The following GFRA1 variants were observed in gnomAD, a reference collection of about 807,000 sequenced individuals.
The protein encoded by GFRA1 is GDNF family receptor alpha 1.
In GFRA1, 16 loss-of-function variants were observed where a neutral mutation model predicts 51.6. The observed-to-expected ratio is 0.31, with a 90% confidence interval of 0.21 to 0.47. GFRA1 has a LOEUF of 0.47. GFRA1 is among the 20% of genes least tolerant of loss of function. The pLI is 1.00. For missense variants in GFRA1, 530 were observed against 594.3 expected (o/e 0.89, Z 1.13); for synonymous variants, 270 against 241.3 (o/e 1.12, Z -1.10).
chr10:116,115,043 A>G (rs996890254), intron 6 of GFRA1, among the ~76,000 whole-genome samples: 15 of 152,194 alleles, frequency 9.9e-5, no homozygotes, highest in Non-Finnish European at 2.9e-5. Context: ...TGGGGAAGGG[A>G]AAACAATCCC....
intron 5 of GFRA1, among the ~76,000 whole-genome samples, chr10:116,146,333 C>T (rs997000107): frequency 3.3e-5 from 5 of 152,176 alleles, no homozygotes; most frequent in African/African-American, 9.7e-5. Context: ...GCTACATCAT[C>T]GAGTACATTC....
chr10:116,111,388 T>A (rs758890278), intron 6 of GFRA1, among the ~76,000 whole-genome samples: 7 of 152,178 alleles, frequency 4.6e-5, no homozygotes, highest in South Asian at 4.1e-4. Flanking sequence ...TCTGAAGAAC[T>A]ATCAGCAGGC....
At chr10:116,186,087 G>A (rs530233508) in intron 5 of GFRA1, among the ~76,000 whole-genome samples, 10 of 152,334 alleles carry the variant, frequency 6.6e-5, no homozygotes, top group Admixed American at 3.3e-4. Flanking sequence ...CACAGGACCA[G>A]CTTGCGGCAG....
Position 116,064,031 on chromosome 10 carries a change from T to A in GFRA1, c.*367A>T. The A allele has an allele frequency of 5.5e-6, 1 of 182,260 alleles. No individual in the cohort carries two copies. The highest frequency in any genetic ancestry group is 1.1e-5 in the Non-Finnish European group (1 of 90,498). The allele number at this position is 182,260 out of a possible 1,614,324, so 11.3% of individuals were successfully genotyped here. On this transcript the variant is annotated 3_prime_UTR_variant, in exon 11 of 11. Transcript: ENST00000355422. ...AGCTAGGAAAGGCCAGAAGTAAAAC[T>A]GTTAAAATCATCATCATGATCATGA... is the stretch of plus-strand genomic sequence containing the variant.
rs1018458978 is a variant in GFRA1, at chr10:116,212,020, A to T, written c.419-375T>A. Reference sequence around the variant, plus strand: ...TTTATATTAATACTACTTTCACAACAATCTTATAAAGTAAGTTTTATTATA... The same window carrying T: ...TTTATATTAATACTACTTTCACAACTATCTTATAAAGTAAGTTTTATTATA... On this transcript the variant is annotated intron_variant, in intron 4 of 10. Transcript: ENST00000355422. 2.0e-5 allele frequency among the ~76,000 whole-genome samples: 3 copies of T among 152,222 alleles called. No homozygotes were observed. The East Asian group carries it at 5.8e-4, about 29-fold the overall frequency.
intron 5 of GFRA1, among the ~76,000 whole-genome samples, chr10:116,165,018 G>T (rs1241375376): frequency 6.6e-6 from 1 of 152,156 alleles, no homozygotes; most frequent in Non-Finnish European, 1.5e-5. Flanking sequence ...GCAAGGGACA[G>T]ACAGTTCTTA....
At chr10:116,184,316 T>C (rs1962506414) in intron 5 of GFRA1, among the ~76,000 whole-genome samples, 1 of 152,196 alleles carries the variant, frequency 6.6e-6, no homozygotes, top group South Asian at 2.1e-4. Flanking sequence ...AGGCCAGTTA[T>C]CTCCTGGCCA....
At chr10:116,149,902 C>T (rs1158950287) in intron 5 of GFRA1, among the ~76,000 whole-genome samples, 1 of 152,084 alleles carries the variant, frequency 6.6e-6, no homozygotes, top group African/African-American at 2.4e-5. Context: ...CATGCAGAAA[C>T]GCTCCTTCTT....
At chr10:116,269,415 C>T in intron 4 of GFRA1, 88 bp downstream of exon 4, 1 of 801,654 alleles carries the variant, frequency 1.2e-6, no homozygotes, top group Admixed American at 1.7e-5. Context: ...CAACTATCTA[C>T]TTATATGCTC....
intron 5 of GFRA1, among the ~76,000 whole-genome samples, chr10:116,129,607 C>G (rs1040842252): frequency 6.6e-6 from 1 of 151,994 alleles, no homozygotes; most frequent in Non-Finnish European, 1.5e-5. Flanking sequence ...CAAAGGATTC[C>G]CCTTTTACTG....
At chr10:116,085,187 C>T (rs1956041483) in intron 9 of GFRA1, among the ~76,000 whole-genome samples, 1 of 152,294 alleles carries the variant, frequency 6.6e-6, no homozygotes, top group East Asian at 1.9e-4. Flanking sequence ...CACCTAGTTC[C>T]CCAAACAGAA....
At chr10:116,250,252 G>C (rs1008502435) in intron 4 of GFRA1, among the ~76,000 whole-genome samples, 3 of 152,134 alleles carry the variant, frequency 2.0e-5, no homozygotes, top group African/African-American at 7.2e-5. Context: ...TTCATCTCCT[G>C]GGGCATCGCC....
chr10:116,256,327 C>G (rs1225664862), intron 4 of GFRA1, among the ~76,000 whole-genome samples: 3 of 152,140 alleles, frequency 2.0e-5, no homozygotes, highest in Admixed American at 2.0e-4. Context: ...TCATCCCCTG[C>G]CCCTCCCCGT....
intron 9 of GFRA1, among the ~76,000 whole-genome samples, chr10:116,077,361 T>C (rs1482193261): frequency 6.6e-6 from 1 of 152,214 alleles, no homozygotes; most frequent in African/African-American, 2.4e-5. Context: ...CCTGCCTTTG[T>C]TGAAAAGGTG....
intron 5 of GFRA1, among the ~76,000 whole-genome samples, chr10:116,178,718 C>T (rs2134261290): frequency 6.6e-6 from 1 of 152,270 alleles, no homozygotes; most frequent in Admixed American, 6.5e-5. Context: ...CCAAGGGAGC[C>T]CTGAGCGAGG....
intron 6 of GFRA1, among the ~76,000 whole-genome samples, chr10:116,123,785 G>A (rs929290432): frequency 6.6e-6 from 1 of 152,288 alleles, no homozygotes; most frequent in Middle Eastern, 3.4e-3. Context: ...TAAGTTCTGG[G>A]AAGGACACAC....
At chr10:116,271,864 C>A (rs2532691) in intron 2 of GFRA1, 126 bp downstream of exon 2, 789,158 of 790,804 alleles carry the variant, frequency 1, 393,778 homozygotes, top group East Asian at 1. Flanking sequence ...CCCAAAAAGA[C>A]ACTTCTTCCT....
intron 4 of GFRA1, among the ~76,000 whole-genome samples, chr10:116,246,599 T>C (rs187884584): frequency 6.6e-6 from 1 of 152,286 alleles, no homozygotes; most frequent in African/African-American, 2.4e-5. Flanking sequence ...CCCTAGACAC[T>C]GAACGGACTA....
Position 116,150,396 on chromosome 10 carries a change from C to A in GFRA1, c.434-24839G>T, listed in dbSNP as rs539736462. Among the ~76,000 whole-genome samples the A allele has an allele frequency of 2.0e-5, 3 of 152,304 alleles. No individual in the cohort carries two copies. The South Asian group carries it at 6.2e-4, about 32-fold the overall frequency. Reference sequence around the variant, plus strand: ...AGATCAGGCTGGTCAGCCTTTCCTGCTGCAGTTCCCGGTCAATATGTGATC... The same window carrying A: ...AGATCAGGCTGGTCAGCCTTTCCTGATGCAGTTCCCGGTCAATATGTGATC... On this transcript the variant is annotated intron_variant, in intron 5 of 10. Coordinates refer to ENST00000355422, the MANE Select transcript of GFRA1 (RefSeq NM_005264.8).
Sources: allele counts gnomAD v4.1 joint callset (sites outside exome capture counted in the v4.1 genomes callset), GRCh38; gene constraint gnomAD v4.1.1; transcripts MANE v1.5; gene names NCBI Gene and HGNC (gene_info 2026-07-23, HGNC 2026-07-21).